The following P4HA2 variants were observed in gnomAD, a reference collection of about 807,000 sequenced individuals.
The protein encoded by P4HA2 is prolyl 4-hydroxylase subunit alpha 2.
A neutral mutation model predicts 76.9 loss-of-function variants in P4HA2; 46 were observed. That is an observed-to-expected ratio of 0.60 (90% CI 0.47 to 0.76). The LOEUF is 0.76. Among genes scored for constraint, P4HA2 ranks in the 30% least tolerant of loss-of-function variants. The pLI is 0.00. For synonymous variants in P4HA2, 243 were observed against 254.0 expected (o/e 0.96, Z 0.41); for missense variants, 583 against 669.4 (o/e 0.87, Z 1.42).
At chr5:132,202,065 T>A (rs1751574971) in intron 10 of P4HA2, 1 of 152,194 alleles carries the variant, frequency 6.6e-6, no homozygotes. Context: ...CAGGGACTCA[T>A]CTAGCACATC....
At chr5:132,222,698 T>G (rs1249492760) in intron 1 of P4HA2, among the ~76,000 whole-genome samples, 2 of 152,236 alleles carry the variant, frequency 1.3e-5, no homozygotes, top group East Asian at 1.9e-4. Flanking sequence ...TGAAAAAATA[T>G]TCTCCTTCAC....
chr5:132,197,630 AAG>A (rs1750840203), intron 12 of P4HA2, among the ~76,000 whole-genome samples: 1 of 150,010 alleles, frequency 6.7e-6, no homozygotes, highest in African/African-American at 2.5e-5. Flanking sequence ...AAAAAAAAAA[AAG>A]AAGAAGAAGA....
chr5:132,200,788 C>T (rs956587807), intron 10 of P4HA2: 16 of 152,318 alleles, frequency 1.1e-4, no homozygotes, highest in Admixed American at 3.9e-4. Context: ...CTGCATTTTC[C>T]AATACTTCCA....
Position 132,210,435 on chromosome 5 carries a change from C to T in P4HA2, c.558G>A (p.Val186=). ...AYNEGDYYHT[V]LWMEQVLKQL... is the part of the protein sequence containing the mutation. ...GCTTTAGCACCTGCTCCATCCACAACACCGTATGATAATAGTCCCCTTCAT... is the reference window on the plus strand; with the variant it reads ...GCTTTAGCACCTGCTCCATCCACAATACCGTATGATAATAGTCCCCTTCAT... Residue 186 remains valine (V), a synonymous_variant, in exon 6 of 15, where the codon GTG becomes GTA. Transcript: ENST00000360568. 1.2e-6 allele frequency: 2 copies of T among 1,614,136 alleles called. No homozygotes were observed. Among genetic ancestry groups the T allele is most frequent in the East Asian group, 2.2e-5 (1 of 44,878 alleles).
intron 8 of P4HA2, 119 bp from the exon 9 acceptor site, chr5:132,204,271 G>T: frequency 1.2e-6 from 1 of 813,932 alleles, no homozygotes; most frequent in Non-Finnish European, 2.1e-6. Flanking sequence ...AAGCTTTGCA[G>T]CCAATGGCTC....
intron 5 of P4HA2, among the ~76,000 whole-genome samples, chr5:132,211,533 T>C (rs1753086175): frequency 6.6e-6 from 1 of 152,208 alleles, no homozygotes; most frequent in East Asian, 1.9e-4. Flanking sequence ...CAGGGTCTGC[T>C]AACCCCGGTG....
At chr5:132,194,634 C>T (rs1750342918) in intron 14 of P4HA2, among the ~76,000 whole-genome samples, 1 of 152,212 alleles carries the variant, frequency 6.6e-6, no homozygotes, top group Admixed American at 6.5e-5. Flanking sequence ...CACTCTGCTC[C>T]CTCAGAAGCC....
At position 132,207,754 on chromosome 5, in the gene P4HA2, A is replaced by G. The variant is rs201529017; in HGVS notation, c.1034T>C (p.Met345Thr). 162 of 1,613,846 alleles carry G rather than the reference A, an allele frequency of 1.0e-4. No individual in the cohort carries two copies. The highest frequency in any genetic ancestry group is 1.3e-4 in the Non-Finnish European group (151 of 1,179,912). ...SPHIVRYYDV[M>T]SDEEIERIKE... ...GATCCTCTCGATTTCCTCATCAGACATGACATCGTAGTACCTGACGATGTG... is the reference window on the plus strand; with the variant it reads ...GATCCTCTCGATTTCCTCATCAGACGTGACATCGTAGTACCTGACGATGTG... The change falls in exon 8 of 15, where the codon ATG becomes ACG. Residue 345 changes from methionine to threonine, a missense_variant. Physicochemically the swap from Met to Thr is moderately conservative, Grantham distance 81. Transcript: ENST00000360568.
chr5:132,200,672 C>G (rs1751368632), intron 10 of P4HA2: 2 of 152,160 alleles, frequency 1.3e-5, no homozygotes, highest in Admixed American at 1.3e-4. Context: ...CAGATGTAAG[C>G]CACGACACCT....
rs1754756520 is a variant in P4HA2, at chr5:132,222,307, G to C, written c.-18-3663C>G. On this transcript the variant is annotated intron_variant, in intron 1 of 14. Coordinates refer to ENST00000360568, the MANE Select transcript of P4HA2 (RefSeq NM_001017974.2). ...GCCTAAGAGGATCCAGAGGCTCCAGGAGACCCTGCCACCAAAGCACATGGA... is the reference window on the plus strand; with the variant it reads ...GCCTAAGAGGATCCAGAGGCTCCAGCAGACCCTGCCACCAAAGCACATGGA... Among the ~76,000 whole-genome samples, 3 of 152,300 alleles carry C rather than the reference G, an allele frequency of 2.0e-5. No homozygotes were observed. In the South Asian group the frequency reaches 6.2e-4, roughly 32 times the overall value.
chr5:132,203,891 G>C (rs1398460340), intron 9 of P4HA2, 44 bp from the exon 10 acceptor site: 1 of 1,447,942 alleles, frequency 6.9e-7, no homozygotes. Context: ...CGGAAGGGCA[G>C]GCTTCCATGA....
intron 1 of P4HA2, among the ~76,000 whole-genome samples, chr5:132,224,089 C>T (rs1274822227): frequency 6.6e-6 from 1 of 152,212 alleles, no homozygotes; most frequent in Non-Finnish European, 1.5e-5. Flanking sequence ...ACCCAGAAAA[C>T]AGCAACATGG....
chr5:132,198,526 C>A, intron 11 of P4HA2, 146 bp from the exon 12 acceptor site: 1 of 772,308 alleles, frequency 1.3e-6, no homozygotes, highest in South Asian at 1.6e-5. Context: ...AAAGTAAATT[C>A]TGGCTAGGGC....
Position 132,195,434 on chromosome 5 carries a change from C to G in P4HA2, c.1412G>C (p.Gly471Ala). ...AGGATVFPDLGAAIWPKKGTA... is the reference protein window; with the variant it reads ...AGGATVFPDLAAAIWPKKGTA... ...TACCTTCTTAGGCCAAATTGCAGCC[C>G]CCAGATCAGGGAAGACGGTGGCACC... Residue 471 changes from glycine (G) to alanine (A), a missense_variant, in exon 13 of 15, where the codon GGG becomes GCG. Transcript: ENST00000360568. 1 of 1,613,396 alleles carries G rather than the reference C, an allele frequency of 6.2e-7. No individual in the cohort carries two copies. Among genetic ancestry groups the G allele is most frequent in the Non-Finnish European group, 8.5e-7 (1 of 1,179,356 alleles).
At chr5:132,201,896 T>G (rs1751544714) in intron 10 of P4HA2, 1 of 152,264 alleles carries the variant, frequency 6.6e-6, no homozygotes, top group Non-Finnish European at 1.5e-5. Context: ...ACTCAGCCTC[T>G]TGGTCCAGGG....
intron 1 of P4HA2, 73 bp from the exon 2 acceptor site, chr5:132,218,717 G>T: frequency 1.2e-6 from 1 of 855,288 alleles, no homozygotes. Flanking sequence ...AGACACATAG[G>T]CATGTACACA....
At position 132,193,157 on chromosome 5, in the gene P4HA2, C is replaced by G. The variant is rs77183859; in HGVS notation, c.1532-77G>C. ...TGAATGAATGACTCCTTCATGATGA[C>G]CCCCTGCACTGTGCCCTGGAATCAG... On this transcript the variant is annotated intron_variant, in intron 14 of 14. Coordinates refer to ENST00000360568, the MANE Select transcript of P4HA2 (RefSeq NM_001017974.2). 2.1e-3 allele frequency: 1,982 copies of G among 933,692 alleles called. 7 individuals carry two copies. Among genetic ancestry groups the G allele is most frequent in the East Asian group, 0.013 (538 of 41,344 alleles). The allele number at this position is 933,692 out of a possible 1,614,324, so 57.8% of individuals were successfully genotyped here. A position where few individuals can be genotyped will look rare whatever the true frequency, so the allele number is the denominator to read the frequency against.
chr5:132,217,604 C>T (rs2126619438), intron 3 of P4HA2, 148 bp downstream of exon 3: 1 of 679,952 alleles, frequency 1.5e-6, no homozygotes, highest in Admixed American at 2.4e-5. Flanking sequence ...TACTTAGCTC[C>T]TCTCAAGCAC....
At chr5:132,210,165 T>G (rs1752869174) in intron 6 of P4HA2, 119 bp downstream of exon 6, 1 of 1,149,180 alleles carries the variant, frequency 8.7e-7, no homozygotes. Flanking sequence ...CATTAGTCAC[T>G]GGCCAAGTGA....
Sources: allele counts gnomAD v4.1 joint callset (sites outside exome capture counted in the v4.1 genomes callset), GRCh38; gene constraint gnomAD v4.1.1; transcripts MANE v1.5; gene names NCBI Gene and HGNC (gene_info 2026-07-23, HGNC 2026-07-21).